Variants in TBCD observed in about 807,000 individuals in gnomAD.
TBCD encodes the protein tubulin folding cofactor D.
TBCD carries 105 observed loss-of-function variants against 169.3 expected under a neutral mutation model. The ratio of observed to expected loss-of-function variants is 0.62; its 90% CI spans 0.53 to 0.73. The LOEUF is 0.73. Among genes scored for constraint, TBCD ranks in the 30% least tolerant of loss-of-function variants. The pLI is 0.00. For synonymous variants in TBCD, 700 were observed against 643.9 expected (o/e 1.09, Z -1.32); for missense variants, 1,444 against 1,600.1 (o/e 0.90, Z 1.66).
rs528892084 is a variant in TBCD at position 82,798,479 on chromosome 17, A to G, written c.817+677A>G. On this transcript the variant is annotated intron_variant, in intron 8 of 38. Transcript: ENST00000355528. Reference sequence around the variant, plus strand: ...GTATTTTTAATAGAGATGGGGTTTCACCATGTTGGCCAGGCTAGTCTTGAA... The same window carrying G: ...GTATTTTTAATAGAGATGGGGTTTCGCCATGTTGGCCAGGCTAGTCTTGAA... 3.3e-5 allele frequency among the ~76,000 whole-genome samples: 5 copies of G among 152,150 alleles called. No individual in the cohort carries two copies. In the South Asian group the frequency reaches 1.0e-3, roughly 32 times the overall value.
chr17:82,869,377 G>T (rs1316423677), intron 13 of TBCD, among the ~76,000 whole-genome samples: 1 of 152,108 alleles, frequency 6.6e-6, no homozygotes, highest in East Asian at 1.9e-4. Context: ...AAAGTAGCTG[G>T]GTGTGATGGT....
chr17:82,877,967 G>C (rs1323367998), intron 14 of TBCD, among the ~76,000 whole-genome samples: 1 of 152,110 alleles, frequency 6.6e-6, no homozygotes, highest in Admixed American at 6.5e-5. Context: ...ACTAATCCTG[G>C]GTCTTTTAAG....
chr17:82,836,890 T>C (rs1037455247), intron 13 of TBCD, among the ~76,000 whole-genome samples: 2 of 152,214 alleles, frequency 1.3e-5, no homozygotes, highest in Non-Finnish European at 2.9e-5. Flanking sequence ...TTTTGTTCTT[T>C]GATCAGTTAG....
At chr17:82,763,307 C>T (rs1465572261) in intron 2 of TBCD, among the ~76,000 whole-genome samples, 1 of 152,164 alleles carries the variant, frequency 6.6e-6, no homozygotes, top group East Asian at 1.9e-4. Flanking sequence ...GATGGTAATG[C>T]TTGTTCTGAC....
At chr17:82,916,970 TC>T (rs1308447065) in intron 23 of TBCD, among the ~76,000 whole-genome samples, 2 of 150,968 alleles carry the variant, frequency 1.3e-5, no homozygotes, top group Non-Finnish European at 3.0e-5. Flanking sequence ...CTCCTTACAC[TC>T]CCTCCTCTGG....
At chr17:82,772,545 TG>T in intron 6 of TBCD, 38 bp downstream of exon 6, 1 of 1,611,186 alleles carries the variant, frequency 6.2e-7, no homozygotes, top group Non-Finnish European at 8.5e-7. Context: ...GTGTGGCTGG[TG>T]GGTTCTGAGA....
At chr17:82,760,263 G>A (rs1159388665) in intron 2 of TBCD, among the ~76,000 whole-genome samples, 5 of 152,086 alleles carry the variant, frequency 3.3e-5, no homozygotes, top group African/African-American at 9.7e-5. Flanking sequence ...TCATTAATGC[G>A]GATGAACTCC....
chr17:82,924,690 C>A (rs1223696971), intron 26 of TBCD, among the ~76,000 whole-genome samples: 2 of 152,170 alleles, frequency 1.3e-5, no homozygotes, highest in African/African-American at 4.8e-5. Context: ...GGGGTTGAGG[C>A]TGCAGCGAGC....
Position 82,930,427 on chromosome 17 carries a change from C to T in TBCD, c.2992-95C>T. ...CGCGTCTCTGCAGCTCGGAGCAGTT[C>T]TGCTCTTCAGCAGATGCTTGACCGG... On this transcript the variant is annotated intron_variant, in intron 32 of 38. Coordinates refer to ENST00000355528, the MANE Select transcript of TBCD (RefSeq NM_005993.5). The surrounding 1 kb of genome is among the most constrained non-coding windows in gnomAD (Gnocchi z 5.2). 1.3e-6 allele frequency: 2 copies of T among 1,514,106 alleles called. No homozygotes were observed. The highest frequency in any genetic ancestry group is 1.8e-6 in the Non-Finnish European group (2 of 1,131,504). The allele number at this position is 1,514,106 out of a possible 1,614,324, so 93.8% of individuals were successfully genotyped here.
At chr17:82,829,024 T>G (rs1242728971) in intron 13 of TBCD, among the ~76,000 whole-genome samples, 1 of 117,716 alleles carries the variant, frequency 8.5e-6, no homozygotes, top group Non-Finnish European at 1.7e-5. Flanking sequence ...CCCGCAGATA[T>G]GCACACACGC....
chr17:82,873,415 G>T (rs56775875), intron 14 of TBCD, among the ~76,000 whole-genome samples: 35,817 of 151,964 alleles, frequency 0.24, 4,470 homozygotes, highest in East Asian at 0.45. Context: ...CATCACTCAT[G>T]GGTTCTCTGT....
At chr17:82,896,540 C>T (rs1219735158) in intron 17 of TBCD, among the ~76,000 whole-genome samples, 15 of 151,010 alleles carry the variant, frequency 9.9e-5, no homozygotes, top group Admixed American at 9.9e-4. Context: ...ATCGCGGCTC[C>T]CTGCAGCCTC....
chr17:82,929,633 T>C (rs1274080960), intron 32 of TBCD, 133 bp downstream of exon 32: 1 of 1,312,252 alleles, frequency 7.6e-7, no homozygotes, highest in East Asian at 2.5e-5. Flanking sequence ...CATATTTGGT[T>C]AGGGGGTCAG....
chr17:82,901,616 C>T (rs1273502318), intron 18 of TBCD, among the ~76,000 whole-genome samples: 1 of 144,320 alleles, frequency 6.9e-6, no homozygotes, highest in Non-Finnish European at 1.5e-5. Context: ...CAGCTGCCTA[C>T]TGTGGTCCTG....
chr17:82,853,577 T>C (rs1356943611), intron 13 of TBCD, among the ~76,000 whole-genome samples: 1 of 137,066 alleles, frequency 7.3e-6, no homozygotes, highest in Non-Finnish European at 1.6e-5. Flanking sequence ...TCATTTTTTC[T>C]TTTTTTTTTT....
At chr17:82,846,318 G>C (rs114137001) in intron 13 of TBCD, among the ~76,000 whole-genome samples, 18,306 of 62,534 alleles carry the variant, frequency 0.29, 2,211 homozygotes, top group South Asian at 0.4. Flanking sequence ...GCTGCGTCCA[G>C]CGTGCCGTGT....
chr17:82,838,834 C>G (rs2054208492), intron 13 of TBCD: 2 of 985,444 alleles, frequency 2.0e-6, no homozygotes, highest in South Asian at 4.7e-5. Flanking sequence ...CAGACCTGAG[C>G]TCGTAAACAA....
Position 82,816,557 on chromosome 17 carries a change from G to A in TBCD, c.1318+1623G>A, listed in dbSNP as rs540408738. On this transcript the variant is annotated intron_variant, in intron 13 of 38. Transcript: ENST00000355528. ...TGCTTTTATCTTTTTTTTTTTGGAC[G>A]CGGTTTCACTTTGTTGCCCAGGCTG... 1.5e-3 allele frequency among the ~76,000 whole-genome samples: 228 copies of A among 150,244 alleles called. 1 individual carries two copies. Among genetic ancestry groups the A allele is most frequent in the Non-Finnish European group, 2.6e-3 (179 of 67,596 alleles).
In TBCD at chr17:82,938,473, C is replaced by G. The variant is rs183553263; in HGVS notation, c.3369+337C>G. ...AGTGCCCTTCATCCCCAGCACTCCC[C>G]GGCTATTAGATTTCTAGGATTTCTT... On this transcript the variant is annotated intron_variant, in intron 36 of 38. Coordinates refer to ENST00000355528, the MANE Select transcript of TBCD (RefSeq NM_005993.5). 2.3e-3 allele frequency among the ~76,000 whole-genome samples: 346 copies of G among 152,306 alleles called. 1 individual carries two copies. Among genetic ancestry groups the G allele is most frequent in the African/African-American group, 7.9e-3 (328 of 41,558 alleles).
Sources: allele counts gnomAD v4.1 joint callset (sites outside exome capture counted in the v4.1 genomes callset), GRCh38; gene constraint gnomAD v4.1.1; non-coding constraint Gnocchi (gnomAD v3.1); transcripts MANE v1.5; gene names NCBI Gene and HGNC (gene_info 2026-07-23, HGNC 2026-07-21).